The following ZPBP variants were observed in gnomAD, a reference collection of about 807,000 sequenced individuals.
ZPBP encodes the protein zona pellucida binding protein.
Under a neutral mutation model 44.8 loss-of-function variants are expected in ZPBP, and 26 were observed. That is an observed-to-expected ratio of 0.58 (90% CI 0.43 to 0.81). ZPBP has a LOEUF of 0.81. ZPBP is among the 30% of genes least tolerant of loss of function. The probability of loss-of-function intolerance (pLI) is 0.00; values close to 1 mark genes in which losing one functional copy is unlikely to be tolerated. For synonymous variants in ZPBP, 174 were observed against 153.2 expected, an observed-to-expected ratio of 1.14 and a Z score of -1.00; for missense variants, 409 against 434.0, an observed-to-expected ratio of 0.94 and a Z score of 0.51.
At chr7:49,986,352 A>G (rs952730371) in intron 6 of ZPBP, among the ~76,000 whole-genome samples, 1 of 152,072 alleles carries the variant, frequency 6.6e-6, no homozygotes, top group Non-Finnish European at 1.5e-5. Context: ...CAATGGCCGC[A>G]GGCACCCATG....
intron 4 of ZPBP, among the ~76,000 whole-genome samples, chr7:50,038,376 C>G (rs1357722603): frequency 6.6e-6 from 1 of 152,186 alleles, no homozygotes; most frequent in African/African-American, 2.4e-5. Context: ...GGCCAGACAG[C>G]AACACAGAGT....
chr7:50,017,917 T>G (rs954717158), intron 6 of ZPBP, among the ~76,000 whole-genome samples: 3 of 152,108 alleles, frequency 2.0e-5, no homozygotes, highest in Non-Finnish European at 4.4e-5. Flanking sequence ...TGCTTGTTAT[T>G]TATGATGGAC....
At chr7:49,843,328 C>G in the ZPBP span, among the ~76,000 whole-genome samples, 1 of 152,152 alleles carries the variant, frequency 6.6e-6, no homozygotes, top group Non-Finnish European at 1.5e-5. Context: ...ATAAAGCTCT[C>G]AGAAACATCA....
intron 4 of ZPBP, among the ~76,000 whole-genome samples, chr7:50,055,385 A>G (rs1800891465): frequency 1.3e-5 from 2 of 152,192 alleles, no homozygotes; most frequent in African/African-American, 4.8e-5. Context: ...TTAAGCATAA[A>G]AAGAGTAGGT....
At chr7:50,084,029 G>C (rs567783587) in intron 2 of ZPBP, among the ~76,000 whole-genome samples, 1 of 151,802 alleles carries the variant, frequency 6.6e-6, no homozygotes, top group East Asian at 1.9e-4. Flanking sequence ...TGTAGGGAGA[G>C]GATATTTGCA....
chr7:50,043,778 G>A (rs1419610767), intron 4 of ZPBP, among the ~76,000 whole-genome samples: 3 of 152,094 alleles, frequency 2.0e-5, no homozygotes, highest in African/African-American at 7.2e-5. Flanking sequence ...AATTAGCAAG[G>A]ATATTCAGGA....
At chr7:49,931,890 C>A (rs1444284743) in intron 1 of ZPBP, among the ~76,000 whole-genome samples, 1 of 152,258 alleles carries the variant, frequency 6.6e-6, no homozygotes, top group African/African-American at 2.4e-5. Flanking sequence ...CCTGCACGTT[C>A]CAGCTGCTTC....
intron 7 of ZPBP, among the ~76,000 whole-genome samples, chr7:49,946,180 G>A (rs1278253764): frequency 6.6e-6 from 1 of 151,972 alleles, no homozygotes; most frequent in African/African-American, 2.4e-5. Flanking sequence ...GTTGTGAAAA[G>A]TTGTTGTAGT....
At chr7:50,019,026 C>G (rs567224645) in intron 5 of ZPBP, among the ~76,000 whole-genome samples, 2 of 152,092 alleles carry the variant, frequency 1.3e-5, no homozygotes, top group East Asian at 1.9e-4. Context: ...GGAAAGAAAT[C>G]TGATTTCTAG....
At chr7:50,058,182 T>C in intron 3 of ZPBP, 41 bp from the exon 4 acceptor site, 2 of 1,604,358 alleles carry the variant, frequency 1.2e-6, no homozygotes, top group Non-Finnish European at 8.5e-7. Flanking sequence ...TTAAATTACA[T>C]GAGACAAGTA....
chr7:50,077,598 C>T (rs1304795224), intron 3 of ZPBP, among the ~76,000 whole-genome samples: 1 of 151,826 alleles, frequency 6.6e-6, no homozygotes, highest in African/African-American at 2.4e-5. Flanking sequence ...TGTGAATAGA[C>T]ATTTCTCAAG....
At chr7:49,877,199 T>C (rs1485500080) in intron 2 of ZPBP, among the ~76,000 whole-genome samples, 1 of 151,938 alleles carries the variant, frequency 6.6e-6, no homozygotes, top group East Asian at 1.9e-4. Flanking sequence ...TAATGGCTCA[T>C]GCCTGTAATC....
intron 7 of ZPBP, among the ~76,000 whole-genome samples, chr7:49,958,810 T>C (rs1795721301): frequency 6.6e-6 from 1 of 152,144 alleles, no homozygotes; most frequent in South Asian, 2.1e-4. Flanking sequence ...CAAAATAATA[T>C]CAATCCTATA....
intron 6 of ZPBP, among the ~76,000 whole-genome samples, chr7:50,012,838 TGAA>T (rs972126619): frequency 1.3e-4 from 20 of 151,364 alleles, no homozygotes; most frequent in African/African-American, 4.9e-4. Context: ...ATAAAAATAA[TGAA>T]GTAACACTGT....
intron 2 of ZPBP, among the ~76,000 whole-genome samples, chr7:49,869,842 G>A (rs565106710): frequency 6.6e-6 from 1 of 151,898 alleles, no homozygotes; most frequent in Non-Finnish European, 1.5e-5. Context: ...ATCCAAAACG[G>A]GAAGCTTACT....
At chr7:50,016,945 A>G (rs1373476935) in intron 6 of ZPBP, among the ~76,000 whole-genome samples, 1 of 152,082 alleles carries the variant, frequency 6.6e-6, no homozygotes, top group African/African-American at 2.4e-5. Context: ...AAGATATGAG[A>G]TAATATGTGA....
intron 7 of ZPBP, among the ~76,000 whole-genome samples, chr7:49,968,449 G>C (rs1414505064): frequency 2.0e-5 from 3 of 151,902 alleles, no homozygotes; most frequent in Non-Finnish European, 4.4e-5. Flanking sequence ...ACCTAGGAGA[G>C]CAAAAATTAA....
At chr7:50,052,438 A>G (rs980169911) in intron 4 of ZPBP, among the ~76,000 whole-genome samples, 7 of 152,192 alleles carry the variant, frequency 4.6e-5, no homozygotes, top group African/African-American at 1.4e-4. Context: ...AAAACAAAAG[A>G]TAATTATAAC....
intron 3 of ZPBP, among the ~76,000 whole-genome samples, chr7:50,076,640 C>A (rs969581071): frequency 2.6e-5 from 4 of 151,452 alleles, no homozygotes; most frequent in African/African-American, 9.7e-5. Context: ...AAAAAGTAAT[C>A]CCATTTACAA....
Sources: allele counts gnomAD v4.1 joint callset (sites outside exome capture counted in the v4.1 genomes callset), GRCh38; gene constraint gnomAD v4.1.1; transcripts MANE v1.5; gene names NCBI Gene and HGNC (gene_info 2026-07-23, HGNC 2026-07-21).